EPB41: variants seen among roughly 807,000 people sequenced by gnomAD.
The protein encoded by EPB41 is erythrocyte membrane protein band 4.1.
EPB41 carries 65 observed loss-of-function variants against 108.0 expected under a neutral mutation model. That is an observed-to-expected ratio of 0.60 (90% CI 0.49 to 0.74). The LOEUF (loss-of-function observed/expected upper bound fraction) is 0.74. Among genes scored for constraint, EPB41 ranks in the 30% least tolerant of loss-of-function variants. The pLI, the probability that EPB41 is intolerant of heterozygous loss-of-function variation, is 0.00. For missense variants in EPB41, 875 were observed against 1,037.0 expected (o/e 0.84, Z 2.15); for synonymous variants, 336 against 358.9 (o/e 0.94, Z 0.72).
At chr1:28,997,937 G>T (rs1027135941) in intron 4 of EPB41, among the ~76,000 whole-genome samples, 3 of 151,998 alleles carry the variant, frequency 2.0e-5, no homozygotes, top group African/African-American at 7.3e-5. Context: ...ATTATTTCCT[G>T]GGCCAATTAA....
At chr1:29,016,992 A>C (rs1426514781) in intron 6 of EPB41, among the ~76,000 whole-genome samples, 2 of 152,062 alleles carry the variant, frequency 1.3e-5, no homozygotes, top group East Asian at 3.9e-4. Flanking sequence ...AGTCAATGCC[A>C]TTTTTTCTTA....
chr1:28,945,814 T>G (rs569145396), intron 1 of EPB41, among the ~76,000 whole-genome samples: 2 of 152,224 alleles, frequency 1.3e-5, no homozygotes, highest in Non-Finnish European at 2.9e-5. Context: ...CTTTCAGTGA[T>G]ACAAAATTCT....
chr1:29,042,651 G>A (rs1641947930), intron 11 of EPB41, among the ~76,000 whole-genome samples: 1 of 151,818 alleles, frequency 6.6e-6, no homozygotes, highest in Non-Finnish European at 1.5e-5. Flanking sequence ...GCTAATTTTT[G>A]TATTTTTAGT....
At chr1:29,057,152 G>A (rs1251915715) in intron 12 of EPB41, among the ~76,000 whole-genome samples, 2 of 151,764 alleles carry the variant, frequency 1.3e-5, no homozygotes, top group African/African-American at 4.8e-5. Context: ...TGAGGCGGGC[G>A]GATCACAAGG....
intron 16 of EPB41, chr1:29,069,411 TTAAAG>T: frequency 2.4e-6 from 3 of 1,228,362 alleles, no homozygotes; most frequent in East Asian, 6.4e-5. Context: ...AAGCATTTGC[TTAAAG>T]TAATGTATAA....
chr1:28,976,717 A>T (rs1571785795), intron 1 of EPB41, among the ~76,000 whole-genome samples: 1 of 151,926 alleles, frequency 6.6e-6, no homozygotes, highest in Non-Finnish European at 1.5e-5. Context: ...TTGTAGCCCT[A>T]TTCAGCTAGT....
intron 1 of EPB41, among the ~76,000 whole-genome samples, chr1:28,934,869 C>T (rs1325124758): frequency 3.3e-5 from 5 of 151,974 alleles, no homozygotes; most frequent in African/African-American, 7.3e-5. Flanking sequence ...GTGACTCAAA[C>T]GCCTGTACTC....
intron 1 of EPB41, among the ~76,000 whole-genome samples, chr1:28,955,225 G>A (rs777319519): frequency 1.4e-4 from 22 of 152,166 alleles, no homozygotes; most frequent in African/African-American, 5.1e-4. Flanking sequence ...ATTTTCCTTC[G>A]TATTGCCCTA....
intron 7 of EPB41, among the ~76,000 whole-genome samples, chr1:29,024,538 C>G (rs1167407129): frequency 6.6e-6 from 1 of 151,810 alleles, no homozygotes; most frequent in African/African-American, 2.4e-5. Context: ...GAGGCTGAGG[C>G]AGAGAATTGC....
At chr1:29,022,697 G>T (rs2096662309) in intron 7 of EPB41, among the ~76,000 whole-genome samples, 1 of 151,884 alleles carries the variant, frequency 6.6e-6, no homozygotes, top group South Asian at 2.1e-4. Flanking sequence ...CTACAGCCTG[G>T]GCGACAAGAG....
At chr1:28,949,793 G>A (rs190039056) in intron 1 of EPB41, among the ~76,000 whole-genome samples, 4 of 151,962 alleles carry the variant, frequency 2.6e-5, no homozygotes, top group African/African-American at 7.2e-5. Flanking sequence ...TAGTAGAGAC[G>A]AGGTTCTACC....
chr1:29,098,041 G>C lies in EPB41; in HGVS notation c.2313+106G>C. ...ATCGCCAAGAATACCAGGTTTTTCT[G>C]GGGCAGTTCTTTTTAGAAGAGATTA... On this transcript the variant is annotated intron_variant, in intron 17 of 20. Transcript: ENST00000343067. 4 of 1,515,270 alleles carry C rather than the reference G, an allele frequency of 2.6e-6. No individual in the cohort carries two copies. In the South Asian group the frequency reaches 4.7e-5, roughly 18 times the overall value. 93.9% of individuals were successfully genotyped at this position (1,515,270 alleles called of 1,614,324 possible). A position where few individuals can be genotyped will look rare whatever the true frequency, so the allele number is the denominator to read the frequency against.
At chr1:29,082,148 G>A (rs1406094043) in intron 16 of EPB41, among the ~76,000 whole-genome samples, 4 of 152,016 alleles carry the variant, frequency 2.6e-5, no homozygotes, top group Non-Finnish European at 4.4e-5. Context: ...TTTTTGAGAC[G>A]GAGTCTCACT....
intron 16 of EPB41, among the ~76,000 whole-genome samples, chr1:29,083,708 T>C (rs1394233267): frequency 1.3e-5 from 2 of 152,208 alleles, no homozygotes; most frequent in Non-Finnish European, 2.9e-5. Flanking sequence ...AATGCTGATA[T>C]AATTTTTCAA....
intron 1 of EPB41, among the ~76,000 whole-genome samples, chr1:28,932,887 A>G (rs935884514): frequency 3.9e-5 from 6 of 152,190 alleles, no homozygotes; most frequent in African/African-American, 1.4e-4. Flanking sequence ...AAATATGAGT[A>G]GTTAGTGACC....
chr1:29,105,373 G>T (rs1259543663), intron 17 of EPB41, among the ~76,000 whole-genome samples: 1 of 151,852 alleles, frequency 6.6e-6, no homozygotes, highest in Admixed American at 6.6e-5. Context: ...GAGTAGCCAG[G>T]ATTACAGGTG....
intron 2 of EPB41, among the ~76,000 whole-genome samples, chr1:28,990,927 C>T (rs530822197): frequency 2.0e-5 from 3 of 151,952 alleles, no homozygotes; most frequent in Non-Finnish European, 4.4e-5. Context: ...AATAAATTGT[C>T]CGTAGGTTAT....
At chr1:28,988,188 A>T (rs1352152865) in intron 2 of EPB41, among the ~76,000 whole-genome samples, 1 of 152,174 alleles carries the variant, frequency 6.6e-6, no homozygotes, top group East Asian at 1.9e-4. Context: ...TGAACTCGGG[A>T]GGCGGAGGCT....
At chr1:28,910,075 A>G (rs1408752587), upstream of EPB41, among the ~76,000 whole-genome samples, 1 of 149,918 alleles carries the variant, frequency 6.7e-6, no homozygotes, top group African/African-American at 2.5e-5. Flanking sequence ...TAACAGAGTG[A>G]GACCACTGTC....
Sources: gnomAD v4.1 joint callset for allele counts (sites outside exome capture counted in the v4.1 genomes callset) on GRCh38, gnomAD v4.1.1 for gene constraint, MANE v1.5 for transcripts, NCBI Gene and HGNC (gene_info 2026-07-23, HGNC 2026-07-21) for gene names.